NT5DC4: variants seen among roughly 807,000 people sequenced by gnomAD.
The protein encoded by NT5DC4 is 5'-nucleotidase domain-containing protein 4.
In NT5DC4, 44 loss-of-function variants were observed where a neutral mutation model predicts 26.6. The observed-to-expected ratio is 1.65, with a 90% CI of 1.30 to 2.13. NT5DC4 has a LOEUF of 2.13. NT5DC4 is among the 30% of genes most tolerant of loss of function. The pLI is 0.00. For missense variants in NT5DC4, 399 were observed against 228.1 expected, an observed-to-expected ratio of 1.75 and a Z score of -4.83; for synonymous variants, 157 against 86.7, an observed-to-expected ratio of 1.81 and a Z score of -4.51.
chr2:112,733,202 C>T lies in NT5DC4; in HGVS notation c.1344+3498C>T, dbSNP rs2104793761. Among the ~76,000 whole-genome samples the T allele has an allele frequency of 1.3e-5, 2 of 151,874 alleles. 1 individual carries two copies. Among genetic ancestry groups the T allele is most frequent in the Non-Finnish European group, 2.9e-5 (2 of 67,950 alleles). On this transcript the variant is annotated intron_variant, in intron 16 of 16. Coordinates refer to ENST00000688554, the MANE Select transcript of NT5DC4 (RefSeq NM_001393655.1). ...CTTAGACAAACTCCTAATTCTGTATCTGTCCTACCTCATGGGTAGGAGGTA... is the reference window on the plus strand; with the variant it reads ...CTTAGACAAACTCCTAATTCTGTATTTGTCCTACCTCATGGGTAGGAGGTA...
chr2:112,728,488 C>T (rs1678044733), intron 15 of NT5DC4, among the ~76,000 whole-genome samples: 1 of 152,150 alleles, frequency 6.6e-6, no homozygotes, highest in African/African-American at 2.4e-5. Context: ...CTCAGGGCTT[C>T]CCTGGAACCT....
At chr2:112,738,641 T>C in intron 16 of NT5DC4, 1 of 599,980 alleles carries the variant, frequency 1.7e-6, no homozygotes, top group Non-Finnish European at 3.0e-6. Flanking sequence ...CTTAAACACA[T>C]AAAGCAAAGA....
chr2:112,733,303 T>C (rs1678698212), intron 16 of NT5DC4, among the ~76,000 whole-genome samples: 1 of 151,638 alleles, frequency 6.6e-6, no homozygotes, highest in South Asian at 2.1e-4. Flanking sequence ...GTTTTATCTA[T>C]ACCTTAGGGA....
upstream of NT5DC4, among the ~76,000 whole-genome samples, chr2:112,720,300 C>T (rs1019027295): frequency 4.0e-5 from 6 of 151,384 alleles, no homozygotes; most frequent in African/African-American, 7.3e-5. Context: ...CTCCTGACCA[C>T]GTATCCACCC....
At chr2:112,722,803 G>T in intron 6 of NT5DC4, 32 bp downstream of exon 6, 1 of 716,732 alleles carries the variant, frequency 1.4e-6, no homozygotes, top group African/African-American at 1.8e-5. Flanking sequence ...GCCCTGGGAC[G>T]ACCAGTAGGA....
At chr2:112,730,756 G>A (rs935969033) in intron 16 of NT5DC4, among the ~76,000 whole-genome samples, 2 of 152,176 alleles carry the variant, frequency 1.3e-5, no homozygotes, top group African/African-American at 4.8e-5. Context: ...AGTATTTACT[G>A]AGCACCTCCT....
At chr2:112,727,808 C>CA (rs55837393) in intron 15 of NT5DC4, among the ~76,000 whole-genome samples, 61,413 of 152,020 alleles carry the variant, frequency 0.4, 13,537 homozygotes, top group East Asian at 0.72. Context: ...GAGGGTCACC[C>CA]AGGAGCTGGA....
At chr2:112,727,583 C>T (rs116258990) in intron 15 of NT5DC4, among the ~76,000 whole-genome samples, 18 of 152,252 alleles carry the variant, frequency 1.2e-4, no homozygotes, top group Admixed American at 4.6e-4. Context: ...AAAGCTGCAG[C>T]GGGGCCTGTG....
chr2:112,726,776 A>G (rs2138605), intron 15 of NT5DC4, 38 bp downstream of exon 15: 711,776 of 717,412 alleles, frequency 0.99, 353,279 homozygotes, highest in East Asian at 1. Context: ...CAGGCCCAGC[A>G]GGGGCGGAGC....
intron 16 of NT5DC4, among the ~76,000 whole-genome samples, chr2:112,735,809 G>T (rs77386939): frequency 0.013 from 1,943 of 152,284 alleles, 18 homozygotes; most frequent in Middle Eastern, 0.031. Context: ...AGACTCTATA[G>T]TCTGACGAGG....
chr2:112,728,320 G>A (rs1157116544), intron 15 of NT5DC4, among the ~76,000 whole-genome samples: 2 of 152,206 alleles, frequency 1.3e-5, no homozygotes, highest in African/African-American at 4.8e-5. Context: ...ACATACAGTG[G>A]CTTCCGAAGG....
At chr2:112,723,515 C>T (rs1389288899) in intron 8 of NT5DC4, 47 bp downstream of exon 8, 2 of 713,964 alleles carry the variant, frequency 2.8e-6, no homozygotes, top group East Asian at 2.7e-5. Flanking sequence ...CCCAAAGCAG[C>T]AGGGCTGCCC....
downstream of NT5DC4, chr2:112,741,071 A>G (rs999658078): frequency 2.5e-5 from 27 of 1,067,952 alleles, no homozygotes; most frequent in Admixed American, 7.7e-5. Context: ...CTAGAAGTCA[A>G]TAACATGAAA....
In NT5DC4 at chr2:112,726,418, G is replaced by A; in HGVS notation, c.1205+129G>A. On this transcript the variant is annotated intron_variant, in intron 14 of 16. Transcript: ENST00000688554. ...GAACATCAAGATCTGTTTCAGGCTG[G>A]GCTTCCCTAGCAAACTGAATGTGGG... 4.4e-6 allele frequency: 3 copies of A among 677,568 alleles called. No homozygotes were observed. The South Asian group carries it at 5.0e-5, about 11-fold the overall frequency. 42.0% of individuals were successfully genotyped at this position (677,568 alleles called of 1,614,324 possible).
At chr2:112,740,804 T>G, downstream of NT5DC4, 3 of 1,593,070 alleles carry the variant, frequency 1.9e-6, no homozygotes, top group Non-Finnish European at 2.6e-6. Context: ...AAGTCTGCTT[T>G]AGAGTTTGCT....
At chr2:112,736,595 C>T (rs1230585099) in intron 16 of NT5DC4, 3 of 152,134 alleles carry the variant, frequency 2.0e-5, no homozygotes, top group Non-Finnish European at 2.9e-5. Flanking sequence ...CCTGCATCTC[C>T]CCATTTCCTC....
intron 15 of NT5DC4, among the ~76,000 whole-genome samples, chr2:112,727,461 G>A (rs1394940219): frequency 6.6e-6 from 1 of 152,172 alleles, no homozygotes; most frequent in Non-Finnish European, 1.5e-5. Context: ...TAGTAGGAGC[G>A]AGGCTGGGGG....
At chr2:112,726,101 T>C (rs1677673763) in intron 13 of NT5DC4, 137 bp from the exon 14 acceptor site, 2 of 653,776 alleles carry the variant, frequency 3.1e-6, no homozygotes, top group African/African-American at 1.8e-5. Flanking sequence ...TCTCACGTGA[T>C]GTAAGGGGCC....
chr2:112,726,601 G>C (rs1196975137), intron 14 of NT5DC4, 77 bp from the exon 15 acceptor site: 1 of 715,270 alleles, frequency 1.4e-6, no homozygotes, highest in Non-Finnish European at 2.6e-6. Flanking sequence ...CCCGACCCCT[G>C]CTGGGGTCTA....
Sources: gnomAD v4.1 joint callset for allele counts (sites outside exome capture counted in the v4.1 genomes callset) on GRCh38, gnomAD v4.1.1 for gene constraint, MANE v1.5 for transcripts, NCBI Gene and HGNC (gene_info 2026-07-23, HGNC 2026-07-21) for gene names.